Variants in KCTD8 observed in about 807,000 individuals in gnomAD.
KCTD8 encodes BTB/POZ domain-containing protein KCTD8.
A neutral mutation model predicts 31.5 loss-of-function variants in KCTD8; 27 were observed. That is an observed-to-expected ratio of 0.86 (90% CI 0.63 to 1.18). The LOEUF is 1.18. Ranked by LOEUF, KCTD8 falls within the 50% of genes most tolerant of loss-of-function variation. The pLI is 0.00. For missense variants in KCTD8, 658 were observed against 647.7 expected (o/e 1.02, Z -0.17); for synonymous variants, 290 against 280.0 (o/e 1.04, Z -0.36).
intron 1 of KCTD8, among the ~76,000 whole-genome samples, chr4:44,255,024 A>G (rs1715952260): frequency 6.6e-6 from 1 of 151,886 alleles, no homozygotes; most frequent in East Asian, 1.9e-4. Context: ...CTTATTGAGG[A>G]TGCAAGTTTC....
chr4:44,344,479 C>T (rs1041052351), intron 1 of KCTD8, among the ~76,000 whole-genome samples: 5 of 152,076 alleles, frequency 3.3e-5, no homozygotes, highest in African/African-American at 9.7e-5. Context: ...GTCATTGTGC[C>T]GGGTATGTAC....
chr4:44,279,060 G>T (rs1716826655), intron 1 of KCTD8, among the ~76,000 whole-genome samples: 1 of 152,048 alleles, frequency 6.6e-6, no homozygotes, highest in Non-Finnish European at 1.5e-5. Context: ...TGTCAGCTTT[G>T]TGGCTTGGGA....
chr4:44,182,366 A>C (rs1194144423), intron 1 of KCTD8, among the ~76,000 whole-genome samples: 1 of 152,244 alleles, frequency 6.6e-6, no homozygotes, highest in Non-Finnish European at 1.5e-5. Context: ...AGGTGGGGAA[A>C]AGATAGAGAA....
At chr4:44,329,827 T>C in intron 1 of KCTD8, among the ~76,000 whole-genome samples, 1 of 152,128 alleles carries the variant, frequency 6.6e-6, no homozygotes. Flanking sequence ...GAATAGTCTT[T>C]TTCACATAAA....
At chr4:44,286,061 T>A (rs1717061285) in intron 1 of KCTD8, among the ~76,000 whole-genome samples, 1 of 152,116 alleles carries the variant, frequency 6.6e-6, no homozygotes, top group Non-Finnish European at 1.5e-5. Flanking sequence ...CACATCTCAG[T>A]CTCCTTTGCA....
intron 1 of KCTD8, among the ~76,000 whole-genome samples, chr4:44,231,024 A>C (rs1254685575): frequency 1.3e-5 from 2 of 152,186 alleles, no homozygotes; most frequent in Non-Finnish European, 2.9e-5. Context: ...CCTAAATTCT[A>C]TGAGTTTGTT....
chr4:44,297,370 A>G (rs1717465595), intron 1 of KCTD8, among the ~76,000 whole-genome samples: 1 of 152,100 alleles, frequency 6.6e-6, no homozygotes, highest in Non-Finnish European at 1.5e-5. Flanking sequence ...TTGACATAAC[A>G]TGGTCCCCTG....
At chr4:44,232,858 T>A (rs1324146774) in intron 1 of KCTD8, among the ~76,000 whole-genome samples, 1 of 152,038 alleles carries the variant, frequency 6.6e-6, no homozygotes, top group Non-Finnish European at 1.5e-5. Flanking sequence ...ATGCTTATTA[T>A]CTAGAAATGT....
At chr4:44,184,642 C>A (rs1560388753) in intron 1 of KCTD8, among the ~76,000 whole-genome samples, 1 of 152,210 alleles carries the variant, frequency 6.6e-6, no homozygotes, top group Non-Finnish European at 1.5e-5. Context: ...TCTATTCTCT[C>A]ATGGTGCCTT....
Position 44,447,709 on chromosome 4 carries a change from T to C in KCTD8, c.815A>G (p.Lys272Arg). Residue 272 changes from lysine to arginine, a missense_variant, in exon 1 of 2, where the codon AAG (lysine) becomes AGG (arginine). Transcript: ENST00000360029. The part of the protein sequence containing the change: ...PEKYTSRFYL[K>R]FTYLEQAFDR... ...AAAGGCCTGCTCCAAGTAGGTGAAC[T>C]TGAGGTAGAAGCGGGACGTGTACTT... The C allele has an allele frequency of 6.2e-7, 1 of 1,612,444 alleles. No homozygotes were observed. Among genetic ancestry groups the C allele is most frequent in the Non-Finnish European group, 8.5e-7 (1 of 1,179,370 alleles).
chr4:44,437,061 T>TG (rs1478457927), intron 1 of KCTD8, among the ~76,000 whole-genome samples: 8 of 151,442 alleles, frequency 5.3e-5, no homozygotes, highest in Admixed American at 5.3e-4. Context: ...TTTGAAAGTT[T>TG]TTTTTTTTTT....
At chr4:44,347,827 T>G (rs1459494418) in intron 1 of KCTD8, among the ~76,000 whole-genome samples, 1 of 152,180 alleles carries the variant, frequency 6.6e-6, no homozygotes, top group South Asian at 2.1e-4. Context: ...CTAATGGCAA[T>G]GCAGGCAGCC....
At chr4:44,421,198 G>A (rs953266947) in intron 1 of KCTD8, among the ~76,000 whole-genome samples, 1 of 151,936 alleles carries the variant, frequency 6.6e-6, no homozygotes, top group Non-Finnish European at 1.5e-5. Flanking sequence ...ATCTACTACT[G>A]TACTCTGTAC....
intron 1 of KCTD8, among the ~76,000 whole-genome samples, chr4:44,276,981 A>G (rs1716768817): frequency 6.6e-6 from 1 of 151,970 alleles, no homozygotes; most frequent in East Asian, 1.9e-4. Context: ...ACTCTGTGAC[A>G]TTGGGCAAGA....
intron 1 of KCTD8, among the ~76,000 whole-genome samples, chr4:44,390,350 A>C (rs1461055343): frequency 6.6e-6 from 1 of 151,968 alleles, no homozygotes; most frequent in African/African-American, 2.4e-5. Context: ...ATTCTCCTAC[A>C]TGTGGCTTGC....
At chr4:44,435,006 C>T (rs962191998) in intron 1 of KCTD8, among the ~76,000 whole-genome samples, 1 of 151,724 alleles carries the variant, frequency 6.6e-6, no homozygotes, top group Non-Finnish European at 1.5e-5. Context: ...AATTCATACT[C>T]CAATGACAGG....
intron 1 of KCTD8, among the ~76,000 whole-genome samples, chr4:44,405,637 C>A (rs535122214): frequency 1.3e-5 from 2 of 152,084 alleles, no homozygotes; most frequent in Admixed American, 1.3e-4. Context: ...TCTTCTAATT[C>A]TCTACTATTT....
At chr4:44,355,420 A>G (rs186207799) in intron 1 of KCTD8, among the ~76,000 whole-genome samples, 1 of 152,274 alleles carries the variant, frequency 6.6e-6, no homozygotes, top group Admixed American at 6.5e-5. Context: ...TTCCTCATTA[A>G]GAACTATGAC....
chr4:44,340,363 A>T (rs1718864091), intron 1 of KCTD8, among the ~76,000 whole-genome samples: 1 of 151,194 alleles, frequency 6.6e-6, no homozygotes. Flanking sequence ...CAGTGGAGCG[A>T]TCTTGGCTCA....
Sources: gnomAD v4.1 joint callset for allele counts (sites outside exome capture counted in the v4.1 genomes callset) on GRCh38, gnomAD v4.1.1 for gene constraint, MANE v1.5 for transcripts, NCBI Gene and HGNC (gene_info 2026-07-23, HGNC 2026-07-21) for gene names.